Variants in LYPD6B observed in about 807,000 individuals in gnomAD.
LYPD6B encodes LY6/PLAUR domain containing 6B, also known as ly6/PLAUR domain-containing protein 6B.
A neutral mutation model predicts 22.8 loss-of-function variants in LYPD6B; 17 were observed. The observed-to-expected ratio is 0.75, with a 90% CI of 0.51 to 1.12. The LOEUF is 1.12. LYPD6B is among the 50% of genes most tolerant of loss of function. The probability of loss-of-function intolerance (pLI) is 0.00; values close to 1 mark genes in which losing one functional copy is unlikely to be tolerated. For synonymous variants in LYPD6B, 106 were observed against 91.6 expected (o/e 1.16, Z -0.90); for missense variants, 221 against 258.3 (o/e 0.86, Z 0.99).
At chr2:149,051,282 A>G (rs187221277) in intron 1 of LYPD6B, among the ~76,000 whole-genome samples, 1 of 151,748 alleles carries the variant, frequency 6.6e-6, no homozygotes, top group African/African-American at 2.4e-5. Context: ...TCTCCTGCTC[A>G]GCTTCCCGAA....
chr2:149,105,929 A>C (rs1686450632), intron 1 of LYPD6B, among the ~76,000 whole-genome samples: 1 of 152,122 alleles, frequency 6.6e-6, no homozygotes, highest in Non-Finnish European at 1.5e-5. Flanking sequence ...TAGGTTTTTC[A>C]TAGATACTGT....
intron 1 of LYPD6B, among the ~76,000 whole-genome samples, chr2:149,108,000 G>A (rs1299385391): frequency 6.6e-6 from 1 of 152,110 alleles, no homozygotes; most frequent in African/African-American, 2.4e-5. Context: ...CCTTTGATAT[G>A]GTTTGGCTGT....
chr2:149,191,127 T>C (rs2106057752), intron 3 of LYPD6B, among the ~76,000 whole-genome samples: 1 of 152,262 alleles, frequency 6.6e-6, no homozygotes, highest in East Asian at 1.9e-4. Context: ...GCCAATCTTA[T>C]TTTATCTATT....
chr2:149,098,317 C>A (rs1406917956), intron 1 of LYPD6B, among the ~76,000 whole-genome samples: 1 of 151,928 alleles, frequency 6.6e-6, no homozygotes, highest in South Asian at 2.1e-4. Context: ...AGGATATGAC[C>A]AAGGAGATTT....
chr2:149,049,491 G>A (rs1380115238), intron 1 of LYPD6B, among the ~76,000 whole-genome samples: 1 of 152,124 alleles, frequency 6.6e-6, no homozygotes, highest in African/African-American at 2.4e-5. Context: ...AAAAACACTC[G>A]TTCAGTCCAT....
At chr2:149,133,434 A>G (rs778697415) in intron 2 of LYPD6B, among the ~76,000 whole-genome samples, 16 of 152,166 alleles carry the variant, frequency 1.1e-4, no homozygotes, top group Admixed American at 2.6e-4. Flanking sequence ...GGTGCTGGAA[A>G]GGGAGGCAGT....
intron 5 of LYPD6B, among the ~76,000 whole-genome samples, chr2:149,212,076 A>G (rs1339761153): frequency 1.3e-5 from 2 of 152,072 alleles, no homozygotes; most frequent in Non-Finnish European, 2.9e-5. Flanking sequence ...GAACCAGAAT[A>G]GAAATTATTA....
chr2:149,168,718 A>C (rs1230003737), intron 3 of LYPD6B, among the ~76,000 whole-genome samples: 1 of 152,250 alleles, frequency 6.6e-6, no homozygotes, highest in Non-Finnish European at 1.5e-5. Context: ...TGGTGCCACC[A>C]GATAGACAAT....
intron 1 of LYPD6B, among the ~76,000 whole-genome samples, chr2:149,126,071 A>G (rs1190192622): frequency 6.6e-6 from 1 of 152,252 alleles, no homozygotes; most frequent in African/African-American, 2.4e-5. Flanking sequence ...TAAACTCTTC[A>G]TAATTAAACA....
At chr2:149,051,550 A>G (rs1426196860) in intron 1 of LYPD6B, among the ~76,000 whole-genome samples, 1 of 152,186 alleles carries the variant, frequency 6.6e-6, no homozygotes, top group African/African-American at 2.4e-5. Flanking sequence ...GCTTTTTGCT[A>G]TTATAAACAG....
At chr2:149,111,023 G>A (rs896699103) in intron 1 of LYPD6B, among the ~76,000 whole-genome samples, 8 of 152,132 alleles carry the variant, frequency 5.3e-5, no homozygotes, top group East Asian at 1.9e-4. Context: ...GGTAAATGAC[G>A]AAGTGCTGAG....
At chr2:149,213,414 C>T (rs1418110062) in intron 6 of LYPD6B, among the ~76,000 whole-genome samples, 1 of 151,998 alleles carries the variant, frequency 6.6e-6, no homozygotes, top group Non-Finnish European at 1.5e-5. Context: ...AAAATGGAGA[C>T]CAAAGAAATG....
intron 1 of LYPD6B, among the ~76,000 whole-genome samples, chr2:149,102,618 G>C (rs1007401866): frequency 5.3e-5 from 8 of 151,938 alleles, no homozygotes; most frequent in Admixed American, 4.6e-4. Flanking sequence ...GCAAGGAAGA[G>C]TTTGTTTTTT....
At chr2:149,125,699 T>A (rs888710542) in intron 1 of LYPD6B, among the ~76,000 whole-genome samples, 1 of 152,184 alleles carries the variant, frequency 6.6e-6, no homozygotes, top group African/African-American at 2.4e-5. Context: ...TATATGCTAT[T>A]GTTGCCTGAT....
At chr2:149,042,435 C>G (rs945003950) in intron 1 of LYPD6B, among the ~76,000 whole-genome samples, 4 of 152,102 alleles carry the variant, frequency 2.6e-5, no homozygotes, top group African/African-American at 9.7e-5. Flanking sequence ...AAGAAATTGG[C>G]AAAAAGACAT....
chr2:149,213,033 G>C lies in LYPD6B; in HGVS notation c.370G>C (p.Gly124Arg). Residue 124 changes from glycine to arginine, a missense_variant, in exon 6 of 7, where the codon GGA becomes CGA. Physicochemically the swap from Gly to Arg is moderately radical, Grantham distance 125. Transcript: ENST00000409642. ...CLTVHHFTSH[G>R]RSTSITKKCA... is the part of the protein sequence containing the mutation. Reference sequence around the variant, plus strand: ...GACAGTTCATCACTTCACCAGCCACGGAAGAAGCACATCCATCACCAAAAA... The same window carrying C: ...GACAGTTCATCACTTCACCAGCCACCGAAGAAGCACATCCATCACCAAAAA... 6.2e-7 allele frequency: 1 copy of C among 1,613,898 alleles called. No homozygotes were observed. The highest frequency in any genetic ancestry group is 8.5e-7 in the Non-Finnish European group (1 of 1,179,858).
intron 1 of LYPD6B, among the ~76,000 whole-genome samples, chr2:149,107,548 A>G (rs893322933): frequency 5.4e-4 from 82 of 152,342 alleles, no homozygotes; most frequent in African/African-American, 1.7e-3. Flanking sequence ...GCAATATCCC[A>G]CAAACTCTGA....
At chr2:149,093,620 G>A (rs1685768894) in intron 1 of LYPD6B, among the ~76,000 whole-genome samples, 1 of 152,102 alleles carries the variant, frequency 6.6e-6, no homozygotes, top group African/African-American at 2.4e-5. Context: ...GGACAGAACT[G>A]GGTCTCTTTA....
At chr2:149,104,795 A>G (rs748962038) in intron 1 of LYPD6B, among the ~76,000 whole-genome samples, 2 of 152,168 alleles carry the variant, frequency 1.3e-5, no homozygotes, top group Non-Finnish European at 2.9e-5. Context: ...ACCCAAAGTC[A>G]TAAAGATTTT....
Sources: allele counts gnomAD v4.1 joint callset (sites outside exome capture counted in the v4.1 genomes callset), GRCh38; gene constraint gnomAD v4.1.1; transcripts MANE v1.5; gene names NCBI Gene and HGNC (gene_info 2026-07-23, HGNC 2026-07-21).